PRKG1: variants seen among roughly 807,000 people sequenced by gnomAD.
PRKG1 encodes the protein cGMP-dependent protein kinase 1.
PRKG1 carries 35 observed loss-of-function variants against 88.1 expected under a neutral mutation model. That is an observed-to-expected ratio of 0.40 (90% CI 0.30 to 0.53). PRKG1 has a LOEUF of 0.53. PRKG1 is among the 20% of genes least tolerant of loss of function. The probability of loss-of-function intolerance (pLI) is 0.59; values close to 1 mark genes in which losing one functional copy is unlikely to be tolerated. For missense variants in PRKG1, 540 were observed against 839.8 expected (o/e 0.64, Z 4.41); for synonymous variants, 303 against 292.5 (o/e 1.04, Z -0.37).
rs569518308 is a variant in PRKG1 at position 51,798,188 on chromosome 10, A to G, written c.593-6397A>G. The stretch of plus-strand genomic sequence containing the variant: ...CAGAAGTAAAATTTCTGAATCATAT[A>G]CTGATCCCATGTTTAATTTTCTCAG... On this transcript the variant is annotated intron_variant, in intron 3 of 17. Coordinates refer to ENST00000373980, the MANE Select transcript of PRKG1 (RefSeq NM_006258.4). Among the ~76,000 whole-genome samples, 7 of 152,130 alleles carry G rather than the reference A, an allele frequency of 4.6e-5. No individual in the cohort carries two copies. The East Asian group carries it at 1.4e-3, about 29-fold the overall frequency.
chr10:51,067,233 TTTAA>T (rs766908283), intron 1 of PRKG1, among the ~76,000 whole-genome samples: 2 of 148,936 alleles, frequency 1.3e-5, no homozygotes, highest in African/African-American at 2.5e-5. Flanking sequence ...CTGTCGCTCC[TTTAA>T]TTATCTGTGT....
At chr10:52,253,518 AAGTT>A (rs1841232262) in intron 10 of PRKG1, 1 of 31,622 alleles carries the variant, frequency 3.2e-5, no homozygotes, top group Admixed American at 4.2e-4. Context: ...GGGCATATAA[AAGTT>A]AGTTTAAAAA....
At chr10:52,088,100 CTG>C (rs1247731480) in intron 7 of PRKG1, among the ~76,000 whole-genome samples, 1 of 152,098 alleles carries the variant, frequency 6.6e-6, no homozygotes, top group Non-Finnish European at 1.5e-5. Flanking sequence ...TAACTCTAAT[CTG>C]TGGATGGGAC....
intron 3 of PRKG1, among the ~76,000 whole-genome samples, chr10:51,702,942 GC>G (rs1412856244): frequency 6.6e-6 from 1 of 152,098 alleles, no homozygotes; most frequent in African/African-American, 2.4e-5. Context: ...CGATCTGCTT[GC>G]CTCAGTCTCC....
At chr10:51,238,634 G>A (rs374680246) in intron 2 of PRKG1, among the ~76,000 whole-genome samples, 13 of 144,702 alleles carry the variant, frequency 9.0e-5, no homozygotes, top group East Asian at 4.0e-4. Context: ...GTGGTGGTGC[G>A]CCCGTAATCT....
chr10:51,846,953 G>C (rs1471496447), intron 4 of PRKG1, among the ~76,000 whole-genome samples: 2 of 152,082 alleles, frequency 1.3e-5, no homozygotes, highest in African/African-American at 2.4e-5. Flanking sequence ...TAAAATCAGT[G>C]ATATGAATTC....
chr10:52,041,151 T>C (rs1845747385), intron 5 of PRKG1, among the ~76,000 whole-genome samples: 1 of 152,186 alleles, frequency 6.6e-6, no homozygotes, highest in Admixed American at 6.5e-5. Flanking sequence ...GTACATATCT[T>C]CTGTGCCTAA....
chr10:52,049,199 C>T (rs1285308218), intron 5 of PRKG1, among the ~76,000 whole-genome samples: 1 of 152,024 alleles, frequency 6.6e-6, no homozygotes, highest in African/African-American at 2.4e-5. Context: ...TGAATGGGGT[C>T]GGAGTGCACA....
chr10:51,329,465 T>C (rs1841675492), intron 2 of PRKG1, among the ~76,000 whole-genome samples: 1 of 152,230 alleles, frequency 6.6e-6, no homozygotes, highest in African/African-American at 2.4e-5. Context: ...AATTTACAAA[T>C]ACCATTACAG....
rs1471734830 is a variant in PRKG1, at chr10:51,897,100, GGATA to G, written c.699-10406_699-10403del. ...GACAATTGCATAATAGACTGAACCA[GGATA>G]AATGCCAAATCATCCAGTTAAGGGA... On this transcript the variant is annotated intron_variant, in intron 4 of 17. Transcript: ENST00000373980. Among the ~76,000 whole-genome samples, 9 of 152,224 alleles carry G rather than the reference GGATA, an allele frequency of 5.9e-5. No individual in the cohort carries two copies. The East Asian group carries it at 1.7e-3, about 29-fold the overall frequency.
intron 1 of PRKG1, among the ~76,000 whole-genome samples, chr10:51,091,289 C>G (rs1216797417): frequency 6.6e-6 from 1 of 152,084 alleles, no homozygotes; most frequent in Non-Finnish European, 1.5e-5. Flanking sequence ...TTTTTCACTA[C>G]ATTTATAGAC....
intron 3 of PRKG1, chr10:51,699,674 G>A (rs1841412584): frequency 9.2e-7 from 1 of 1,092,548 alleles, no homozygotes; most frequent in Non-Finnish European, 1.3e-6. Context: ...TAATTCGCTT[G>A]AATCGTTCCG....
chr10:51,161,995 C>T (rs574946364), intron 2 of PRKG1, among the ~76,000 whole-genome samples: 93 of 152,188 alleles, frequency 6.1e-4, no homozygotes, highest in Non-Finnish European at 5.7e-4. Context: ...TTCACACAAT[C>T]TACAATTGTT....
At chr10:52,129,502 A>G (rs1589632196) in intron 7 of PRKG1, among the ~76,000 whole-genome samples, 1 of 152,206 alleles carries the variant, frequency 6.6e-6, no homozygotes. Context: ...TAAATCAGAT[A>G]GTATTTTGTC....
intron 3 of PRKG1, among the ~76,000 whole-genome samples, chr10:51,600,714 C>T (rs1413870062): frequency 6.6e-6 from 1 of 152,064 alleles, no homozygotes; most frequent in African/African-American, 2.4e-5. Flanking sequence ...TTACAGCACA[C>T]CTCACTTCAG....
At chr10:51,561,617 A>T (rs1837463429) in intron 3 of PRKG1, among the ~76,000 whole-genome samples, 1 of 152,008 alleles carries the variant, frequency 6.6e-6, no homozygotes, top group South Asian at 2.1e-4. Context: ...TGATCGATAC[A>T]GGTTTAAAGG....
chr10:51,882,042 G>A (rs1353161460), intron 4 of PRKG1, among the ~76,000 whole-genome samples: 1 of 152,112 alleles, frequency 6.6e-6, no homozygotes, highest in Non-Finnish European at 1.5e-5. Flanking sequence ...AATGTGTGAG[G>A]ACTGTAATAG....
intron 3 of PRKG1, among the ~76,000 whole-genome samples, chr10:51,470,849 G>T (rs917689302): frequency 6.6e-6 from 1 of 151,820 alleles, no homozygotes; most frequent in African/African-American, 2.4e-5. Context: ...TTTGAAGCAA[G>T]CTCTTTGGTT....
intron 2 of PRKG1, among the ~76,000 whole-genome samples, chr10:51,456,321 T>C (rs1384713579): frequency 1.3e-5 from 2 of 152,050 alleles, no homozygotes; most frequent in African/African-American, 4.8e-5. Context: ...GAGATTTGGG[T>C]GAGGACACAG....
Sources: gnomAD v4.1 joint callset for allele counts (sites outside exome capture counted in the v4.1 genomes callset) on GRCh38, gnomAD v4.1.1 for gene constraint, MANE v1.5 for transcripts, NCBI Gene and HGNC (gene_info 2026-07-23, HGNC 2026-07-21) for gene names.